The following SOX6 variants were observed in gnomAD, a reference collection of about 807,000 sequenced individuals.
The protein encoded by SOX6 is SRY-box transcription factor 6, also known as transcription factor SOX-6.
In SOX6, 11 loss-of-function variants were observed where a neutral mutation model predicts 97.8. The observed-to-expected ratio is 0.11, with a 90% CI of 0.07 to 0.19. The LOEUF is 0.19. SOX6 is among the 10% of genes least tolerant of loss of function. The pLI, the probability that SOX6 is intolerant of heterozygous loss-of-function variation, is 1.00. For synonymous variants in SOX6, 360 were observed against 371.4 expected (o/e 0.97, Z 0.35); for missense variants, 810 against 1,039.5 (o/e 0.78, Z 3.04).
chr11:16,044,579 C>T (rs749697086), intron 12 of SOX6, among the ~76,000 whole-genome samples: 17 of 152,080 alleles, frequency 1.1e-4, no homozygotes, highest in African/African-American at 4.1e-4. Flanking sequence ...CCAAAGCTAC[C>T]ATCACAGGAA....
At chr11:16,244,162 A>G (rs575495217) in intron 3 of SOX6, among the ~76,000 whole-genome samples, 2 of 151,994 alleles carry the variant, frequency 1.3e-5, no homozygotes, top group East Asian at 3.9e-4. Context: ...TAGTTGTTTC[A>G]TATCCTCAAC....
intron 3 of SOX6, among the ~76,000 whole-genome samples, chr11:16,302,628 T>C (rs1009617285): frequency 7.0e-6 from 1 of 142,230 alleles, no homozygotes; most frequent in Non-Finnish European, 1.5e-5. Context: ...TGGAGTGCAG[T>C]GCACGATCTC....
intron 9 of SOX6, among the ~76,000 whole-genome samples, chr11:16,056,407 T>C (rs1410702172): frequency 6.6e-6 from 1 of 152,156 alleles, no homozygotes; most frequent in East Asian, 1.9e-4. Flanking sequence ...ATGAGTGCTG[T>C]TCCCAAGGCC....
chr11:16,351,785 TACTTTTTATATCACTCATTCAAC>T (rs1442860501), intron 1 of SOX6, among the ~76,000 whole-genome samples: 1 of 152,094 alleles, frequency 6.6e-6, no homozygotes, highest in Non-Finnish European at 1.5e-5. Flanking sequence ...TGTGAGAAAT[TACTTTTTATATCACTCATTCAAC>T]ACTTAATGGA....
chr11:16,062,426 C>T (rs1162329071), intron 9 of SOX6, among the ~76,000 whole-genome samples: 2 of 151,578 alleles, frequency 1.3e-5, no homozygotes, highest in African/African-American at 4.8e-5. Flanking sequence ...GATCATAGTT[C>T]ACAGTCATAA....
intron 9 of SOX6, among the ~76,000 whole-genome samples, chr11:16,092,566 A>G (rs951386603): frequency 3.3e-5 from 5 of 152,004 alleles, no homozygotes; most frequent in African/African-American, 4.8e-5. Flanking sequence ...TTAAAATAAT[A>G]CATTACCAAT....
chr11:16,174,669 A>C (rs1851136057), intron 6 of SOX6, among the ~76,000 whole-genome samples: 1 of 151,970 alleles, frequency 6.6e-6, no homozygotes, highest in Admixed American at 6.6e-5. Context: ...GTATAGACAT[A>C]ATTCACAAAA....
chr11:16,051,286 T>C (rs555516084), intron 10 of SOX6, among the ~76,000 whole-genome samples: 3 of 152,100 alleles, frequency 2.0e-5, no homozygotes, highest in Non-Finnish European at 2.9e-5. Context: ...AATTTACAAA[T>C]AGGAAAATGG....
At chr11:15,978,056 G>T (rs778180866) in intron 15 of SOX6, among the ~76,000 whole-genome samples, 2 of 151,856 alleles carry the variant, frequency 1.3e-5, no homozygotes, top group Non-Finnish European at 2.9e-5. Flanking sequence ...GAAACTATCT[G>T]TTTTTGTTTA....
At chr11:16,598,983 A>G (rs1848240771) in intron 4 of SOX6, among the ~76,000 whole-genome samples, 1 of 152,116 alleles carries the variant, frequency 6.6e-6, no homozygotes, top group African/African-American at 2.4e-5. Flanking sequence ...AGAACATAGA[A>G]TGTTTGTATA....
chr11:16,125,873 A>AGGAAGGAAGGAAGGAAGGAG (rs1438187281), intron 6 of SOX6, among the ~76,000 whole-genome samples: 2 of 149,470 alleles, frequency 1.3e-5, no homozygotes, highest in Non-Finnish European at 3.0e-5. Context: ...GAAGGAAGGA[A>AGGAAGGAAGGAAGGAAGGAG]GGAAAGTTTA....
intron 3 of SOX6, among the ~76,000 whole-genome samples, chr11:16,283,089 G>GTAAA (rs1554952962): frequency 2.6e-5 from 3 of 113,710 alleles, no homozygotes; most frequent in Admixed American, 9.1e-5. Flanking sequence ...TATATAATTT[G>GTAAA]TATATATATA....
intron 4 of SOX6, among the ~76,000 whole-genome samples, chr11:16,222,226 T>C (rs1019975720): frequency 1.3e-5 from 2 of 152,140 alleles, no homozygotes; most frequent in African/African-American, 4.8e-5. Context: ...AGCTATTTGG[T>C]TACAGCTATT....
rs1176110016 is a variant in SOX6 at position 16,472,021 on chromosome 11, G to A, written c.-5+4294C>T. On this transcript the variant is annotated intron_variant, in intron 1 of 15. Transcript: ENST00000396356. ...TAACCATACAGAAACGACATCAACA[G>A]TGCCCCTTCTAATTTTAGCCTTTCC... is the stretch of plus-strand genomic sequence containing the variant. 2.6e-5 allele frequency among the ~76,000 whole-genome samples: 4 copies of A among 152,168 alleles called. No homozygotes were observed. In the East Asian group the frequency reaches 7.7e-4, roughly 29 times the overall value.
chr11:16,696,419 T>A (rs539919838), intron 3 of SOX6, among the ~76,000 whole-genome samples: 17 of 152,214 alleles, frequency 1.1e-4, no homozygotes, highest in Non-Finnish European at 2.4e-4. Context: ...CTTATAACTA[T>A]ATTCATTTAT....
chr11:16,382,704 A>G lies in SOX6; in HGVS notation c.-4-41452T>C, dbSNP rs553372912. Among the ~76,000 whole-genome samples, 3 of 152,060 alleles carry G rather than the reference A, an allele frequency of 2.0e-5. No homozygotes were observed. The East Asian group carries it at 5.8e-4, about 29-fold the overall frequency. On this transcript the variant is annotated intron_variant, in intron 1 of 15. Transcript: ENST00000396356. ...AATTCCTCACTTGAAGCTTGTGTCT[A>G]TTCTGAATAAAATACTCCAATTTTA... is the stretch of plus-strand genomic sequence containing the variant.
chr11:16,394,655 T>C (rs1019922175), intron 1 of SOX6, among the ~76,000 whole-genome samples: 1 of 151,910 alleles, frequency 6.6e-6, no homozygotes, highest in Non-Finnish European at 1.5e-5. Context: ...CTGGCAACAC[T>C]ATGAATATTT....
chr11:15,981,810 T>C (rs1041892508), intron 15 of SOX6, among the ~76,000 whole-genome samples: 1 of 152,104 alleles, frequency 6.6e-6, no homozygotes, highest in Non-Finnish European at 1.5e-5. Flanking sequence ...GAATATATAC[T>C]TGGCACACAG....
chr11:16,049,763 G>A lies in SOX6; in HGVS notation c.1427C>T (p.Ser476Phe). The A allele has an allele frequency of 6.2e-7, 1 of 1,613,406 alleles. No individual in the cohort carries two copies. The highest frequency in any genetic ancestry group is 1.7e-4 in the Middle Eastern group (1 of 5,886). The change falls in exon 11 of 16, where the codon TCC becomes TTC. Residue 476 changes from serine to phenylalanine, a missense_variant. Ser to Phe is a radical substitution (Grantham distance 155). Around this residue, in one of 9 missense-constraint regions of SOX6, gnomAD observed 14 missense variants for 36.0 expected, o/e 0.39. Coordinates refer to ENST00000683767, the MANE Select transcript of SOX6 (RefSeq NM_001367873.1). ...TTGACTTTTCCATTTACCTAAAGAGGATCCTCTTCCCAGGCTTCCTCCAAT... is the reference window on the plus strand; with the variant it reads ...TTGACTTTTCCATTTACCTAAAGAGAATCCTCTTCCCAGGCTTCCTCCAAT... ...SPIGGSLGRG[S>F]SLDILSSLNS...
Sources: allele counts gnomAD v4.1 joint callset (sites outside exome capture counted in the v4.1 genomes callset), GRCh38; gene constraint gnomAD v4.1.1; regional missense constraint gnomAD v4.1.1; transcripts MANE v1.5; gene names NCBI Gene and HGNC (gene_info 2026-07-23, HGNC 2026-07-21).